Variants in ANO1 observed in about 807,000 individuals in gnomAD.
ANO1 encodes the protein anoctamin 1, also known as anoctamin-1.
In ANO1, 59 loss-of-function variants were observed where a neutral mutation model predicts 124.0. That is an observed-to-expected ratio of 0.48 (90% CI 0.39 to 0.59). ANO1 has a LOEUF of 0.59. Ranked by LOEUF, ANO1 falls within the 20% of genes least tolerant of loss-of-function variation. ANO1 has a pLI of 0.00. For missense variants in ANO1, 1,059 were observed against 1,328.0 expected (o/e 0.80, Z 3.15); for synonymous variants, 529 against 532.0 (o/e 0.99, Z 0.08).
In ANO1 at chr11:70,007,278, T is replaced by TTTC. The variant is rs1555000246; in HGVS notation, c.58+21114_58+21115insCTT. Among the ~76,000 whole-genome samples, 8 of 150,318 alleles carry TTTC rather than the reference T, an allele frequency of 5.3e-5. No individual in the cohort carries two copies. In the East Asian group the frequency reaches 5.8e-4, roughly 11 times the overall value. ...TTGCAGAACCTCCTTTCTTTCTTTT[T>TTTC]TTTTTTTTTTTTTCTTGAGACAGAG... On this transcript the variant is annotated intron_variant, in intron 1 of 27. Transcript: ENST00000531349.
intron 20 of ANO1, 68 bp downstream of exon 20, chr11:70,165,638 T>G: frequency 7.5e-7 from 1 of 1,327,882 alleles, no homozygotes; most frequent in Non-Finnish European, 1.0e-6. Flanking sequence ...GGGTGGCTCC[T>G]GCGGGGGTCT....
chr11:70,056,063 T>C (rs1857427982), intron 1 of ANO1, among the ~76,000 whole-genome samples: 1 of 152,128 alleles, frequency 6.6e-6, no homozygotes, highest in Non-Finnish European at 1.5e-5. Context: ...TTTTAAACAA[T>C]CAATATTCAT....
chr11:70,075,700 T>A (rs569016055), upstream of ANO1, among the ~76,000 whole-genome samples: 14 of 152,286 alleles, frequency 9.2e-5, no homozygotes, highest in South Asian at 2.9e-3. Flanking sequence ...TAAAAATCAC[T>A]GAGACAAAAA....
chr11:70,047,707 C>A (rs781876539), intron 1 of ANO1, among the ~76,000 whole-genome samples: 3 of 152,164 alleles, frequency 2.0e-5, no homozygotes, highest in Non-Finnish European at 4.4e-5. Context: ...TTGATGATTG[C>A]ATAATAAAAT....
At chr11:70,108,305 G>A (rs1486050843) in intron 5 of ANO1, 48 bp from the exon 6 acceptor site, 3 of 1,579,854 alleles carry the variant, frequency 1.9e-6, no homozygotes, top group Admixed American at 1.7e-5. Flanking sequence ...TCTGCTCGTG[G>A]AAGGTGCCTT....
intron 1 of ANO1, among the ~76,000 whole-genome samples, chr11:69,990,826 G>T (rs1856139386): frequency 6.6e-6 from 1 of 152,052 alleles, no homozygotes; most frequent in South Asian, 2.1e-4. Context: ...TTGTCTTTTT[G>T]GTTGGATTGT....
chr11:70,009,595 C>G (rs1174430081), intron 1 of ANO1, among the ~76,000 whole-genome samples: 1 of 145,998 alleles, frequency 6.8e-6, no homozygotes, highest in African/African-American at 2.6e-5. Context: ...ATGCATGAGG[C>G]TGGGTAATTC....
At chr11:70,145,325 T>A (rs1590851213) in intron 11 of ANO1, among the ~76,000 whole-genome samples, 2 of 152,036 alleles carry the variant, frequency 1.3e-5, no homozygotes, top group Non-Finnish European at 1.5e-5. Flanking sequence ...CATGGTGGGG[T>A]CTGTGGCCAA....
chr11:70,076,206 G>A (rs1301035053), upstream of ANO1, among the ~76,000 whole-genome samples: 2 of 152,236 alleles, frequency 1.3e-5, no homozygotes, highest in African/African-American at 4.8e-5. Flanking sequence ...GCAAGCAGAT[G>A]CCCTGAGCCT....
chr11:70,181,894 G>A (rs945476903), intron 23 of ANO1, among the ~76,000 whole-genome samples: 1 of 152,204 alleles, frequency 6.6e-6, no homozygotes, highest in Non-Finnish European at 1.5e-5. Flanking sequence ...CCTTGAAGGC[G>A]AGGACTGCCA....
intron 11 of ANO1, among the ~76,000 whole-genome samples, chr11:70,134,581 T>C (rs1364901004): frequency 1.3e-5 from 2 of 152,182 alleles, no homozygotes; most frequent in East Asian, 1.9e-4. Flanking sequence ...CATTGGAGCA[T>C]GTGAGAACCA....
intron 1 of ANO1, among the ~76,000 whole-genome samples, chr11:70,057,299 T>C (rs1240513106): frequency 6.6e-6 from 1 of 152,184 alleles, no homozygotes; most frequent in Non-Finnish European, 1.5e-5. Context: ...GACCAGCTGG[T>C]TTCTCTCAGG....
At chr11:70,101,626 TG>T (rs1472160405) in intron 2 of ANO1, among the ~76,000 whole-genome samples, 1 of 148,152 alleles carries the variant, frequency 6.7e-6, no homozygotes, top group Non-Finnish European at 1.5e-5. Context: ...CAAGTGACTT[TG>T]GCTTCATTGC....
At chr11:69,970,429 A>T in the ANO1 span, among the ~76,000 whole-genome samples, 1 of 152,182 alleles carries the variant, frequency 6.6e-6, no homozygotes, top group African/African-American at 2.4e-5. Flanking sequence ...CCCATCGATC[A>T]GTCCTCCTGG....
chr11:70,148,630 C>T (rs2047470155), intron 11 of ANO1, among the ~76,000 whole-genome samples: 1 of 152,234 alleles, frequency 6.6e-6, no homozygotes, highest in Non-Finnish European at 1.5e-5. Flanking sequence ...TATTCCTCTG[C>T]CCCTCAGCCT....
chr11:70,053,293 C>T (rs940374276), intron 1 of ANO1, among the ~76,000 whole-genome samples: 1 of 152,076 alleles, frequency 6.6e-6, no homozygotes, highest in Non-Finnish European at 1.5e-5. Flanking sequence ...TTATTACATC[C>T]CTAGAACATC....
At chr11:70,175,474 G>A (rs1011386812) in intron 22 of ANO1, among the ~76,000 whole-genome samples, 3 of 152,256 alleles carry the variant, frequency 2.0e-5, no homozygotes, top group African/African-American at 7.2e-5. Flanking sequence ...TGAGGCCCTG[G>A]GTGGCTGGGG....
rs527266752 is a variant in ANO1, at chr11:70,090,239, T to C, written c.441+2155T>C. Among the ~76,000 whole-genome samples, 345 of 152,288 alleles carry C rather than the reference T, an allele frequency of 2.3e-3. 3 individuals are homozygous for C. The highest frequency in any genetic ancestry group is 7.0e-3 in the African/African-American group (292 of 41,566). On this transcript the variant is annotated intron_variant, in intron 2 of 25. Coordinates refer to ENST00000355303, the MANE Select transcript of ANO1 (RefSeq NM_018043.7). ...AGCCAGGATGGTCTCGATCTCCTGA[T>C]CTCGTGGTCCGCCCGCCTTGGCCTC... is the stretch of plus-strand genomic sequence containing the variant.
At chr11:69,990,012 C>A (rs553295121) in intron 1 of ANO1, among the ~76,000 whole-genome samples, 1 of 152,248 alleles carries the variant, frequency 6.6e-6, no homozygotes, top group African/African-American at 2.4e-5. Context: ...ACATTTTAAT[C>A]ATTTTAAGTG....
Sources: allele counts gnomAD v4.1 joint callset (sites outside exome capture counted in the v4.1 genomes callset), GRCh38; gene constraint gnomAD v4.1.1; transcripts MANE v1.5; gene names NCBI Gene and HGNC (gene_info 2026-07-23, HGNC 2026-07-21).